Variants in LRMDA observed in about 807,000 individuals in gnomAD.
LRMDA encodes the protein leucine rich melanocyte differentiation associated, also known as leucine-rich melanocyte differentiation-associated protein.
In LRMDA, 18 loss-of-function variants were observed where a neutral mutation model predicts 29.8. The ratio of observed to expected loss-of-function variants is 0.60; its 90% CI spans 0.42 to 0.90. LRMDA has a LOEUF of 0.90. LRMDA is among the 40% of genes least tolerant of loss of function. The probability of loss-of-function intolerance (pLI) is 0.00; values close to 1 mark genes in which losing one functional copy is unlikely to be tolerated. For synonymous variants in LRMDA, 125 were observed against 109.4 expected (o/e 1.14, Z -0.89); for missense variants, 273 against 273.9 (o/e 1.00, Z 0.02).
chr10:75,901,817 T>C (rs1471502075), intron 2 of LRMDA, among the ~76,000 whole-genome samples: 1 of 152,244 alleles, frequency 6.6e-6, no homozygotes, highest in Non-Finnish European at 1.5e-5. Context: ...TTCCTTTTTA[T>C]TTATTTATTT....
At chr10:75,617,842 C>T (rs769444723) in intron 2 of LRMDA, among the ~76,000 whole-genome samples, 1 of 152,194 alleles carries the variant, frequency 6.6e-6, no homozygotes, top group Non-Finnish European at 1.5e-5. Flanking sequence ...GCCTCTGCTC[C>T]TTTGGAAGAG....
At chr10:75,444,171 G>A (rs1454267123) in intron 2 of LRMDA, among the ~76,000 whole-genome samples, 2 of 152,074 alleles carry the variant, frequency 1.3e-5, no homozygotes, top group African/African-American at 2.4e-5. Context: ...ATACGTCAGA[G>A]TCTTCTTTCC....
At chr10:75,651,281 G>A (rs1197719821) in intron 2 of LRMDA, among the ~76,000 whole-genome samples, 1 of 152,102 alleles carries the variant, frequency 6.6e-6, no homozygotes, top group Non-Finnish European at 1.5e-5. Context: ...CCGAAACCTG[G>A]GCTCAAGAAG....
At position 76,155,484 on chromosome 10, in the gene LRMDA, A is replaced by G. The variant is rs1427133493; in HGVS notation, c.516+96701A>G. Among the ~76,000 whole-genome samples, 6 of 152,296 alleles carry G rather than the reference A, an allele frequency of 3.9e-5. 1 individual carries two copies. Among genetic ancestry groups the G allele is most frequent in the Non-Finnish European group, 8.8e-5 (6 of 68,010 alleles). ...ACCTGGAAGCTGTTTTATAAAGGGA[A>G]TATGTTAGAATGGTAGACAATATTA... On this transcript the variant is annotated intron_variant, in intron 5 of 6. Transcript: ENST00000611255.
intron 6 of LRMDA, among the ~76,000 whole-genome samples, chr10:76,435,222 C>T (rs1472596671): frequency 1.3e-5 from 2 of 152,184 alleles, no homozygotes; most frequent in South Asian, 2.1e-4. Context: ...AATGAGAACA[C>T]TGAGGCTCTG....
intron 2 of LRMDA, among the ~76,000 whole-genome samples, chr10:75,662,918 G>A (rs1405193367): frequency 6.6e-6 from 1 of 152,222 alleles, no homozygotes; most frequent in Non-Finnish European, 1.5e-5. Flanking sequence ...GCATTTGAGA[G>A]CTGGAACTGG....
intron 6 of LRMDA, among the ~76,000 whole-genome samples, chr10:76,430,578 A>C (rs1043040895): frequency 8.7e-4 from 132 of 152,272 alleles, no homozygotes; most frequent in Non-Finnish European, 1.3e-3. Context: ...GGGAATTGAG[A>C]GCTGGATTTT....
intron 5 of LRMDA, among the ~76,000 whole-genome samples, chr10:76,307,369 T>C (rs1840570310): frequency 6.6e-6 from 1 of 152,106 alleles, no homozygotes; most frequent in Non-Finnish European, 1.5e-5. Context: ...CTAAAGATAA[T>C]GATGAGATGT....
intron 5 of LRMDA, among the ~76,000 whole-genome samples, chr10:76,251,462 C>T (rs1852482084): frequency 6.6e-6 from 1 of 151,238 alleles, no homozygotes; most frequent in Non-Finnish European, 1.5e-5. Context: ...CCTTGTTAGC[C>T]AGGATGGTCT....
chr10:75,880,734 G>C (rs1347841785), intron 2 of LRMDA, among the ~76,000 whole-genome samples: 1 of 152,230 alleles, frequency 6.6e-6, no homozygotes, highest in East Asian at 1.9e-4. Context: ...CATCACTGCA[G>C]TTATGCTCTG....
chr10:75,616,570 G>C (rs972068015), intron 2 of LRMDA, among the ~76,000 whole-genome samples: 2 of 152,146 alleles, frequency 1.3e-5, no homozygotes, highest in Non-Finnish European at 2.9e-5. Context: ...GGTATGCCTG[G>C]TATGTACATA....
chr10:76,142,440 A>G (rs1850220134), intron 5 of LRMDA, among the ~76,000 whole-genome samples: 1 of 152,094 alleles, frequency 6.6e-6, no homozygotes, highest in South Asian at 2.1e-4. Flanking sequence ...AACTACAAAT[A>G]CATTTATGTA....
intron 6 of LRMDA, among the ~76,000 whole-genome samples, chr10:76,379,516 A>G (rs1451481722): frequency 5.9e-5 from 9 of 152,080 alleles, no homozygotes; most frequent in Non-Finnish European, 7.4e-5. Flanking sequence ...AGAAATGCCC[A>G]TAGTAGTCTT....
intron 2 of LRMDA, among the ~76,000 whole-genome samples, chr10:75,739,236 A>T (rs917618712): frequency 6.6e-6 from 1 of 152,246 alleles, no homozygotes; most frequent in African/African-American, 2.4e-5. Flanking sequence ...ATGTTAATAC[A>T]TATATTATTT....
intron 2 of LRMDA, among the ~76,000 whole-genome samples, chr10:75,846,798 CTT>C: frequency 6.6e-6 from 1 of 152,192 alleles, no homozygotes; most frequent in African/African-American, 2.4e-5. Context: ...TAGGAATAAA[CTT>C]AACCAAGGAG....
intron 2 of LRMDA, among the ~76,000 whole-genome samples, chr10:75,988,344 G>A (rs893928203): frequency 6.6e-6 from 1 of 151,998 alleles, no homozygotes; most frequent in Non-Finnish European, 1.5e-5. Context: ...CCACCTTGAA[G>A]GCCGTGAGTC....
intron 5 of LRMDA, among the ~76,000 whole-genome samples, chr10:76,175,623 G>A (rs1196265165): frequency 6.6e-6 from 1 of 152,152 alleles, no homozygotes; most frequent in African/African-American, 2.4e-5. Context: ...CTGAGTGCTC[G>A]AGTTTGCTCA....
At position 75,715,991 on chromosome 10, in the gene LRMDA, C is replaced by T. The variant is rs576359642; in HGVS notation, c.131+277497C>T. On this transcript the variant is annotated intron_variant, in intron 2 of 6. Coordinates refer to ENST00000611255, the MANE Select transcript of LRMDA (RefSeq NM_001305581.2). Reference sequence around the variant, plus strand: ...ATCACAATCATCTACTTTAGAATCACGAATGTTAGAATCTATCAGTGCTAG... The same window carrying T: ...ATCACAATCATCTACTTTAGAATCATGAATGTTAGAATCTATCAGTGCTAG... 7.9e-5 allele frequency among the ~76,000 whole-genome samples: 12 copies of T among 152,250 alleles called. No homozygotes were observed. In the South Asian group the frequency reaches 8.3e-4, roughly 11 times the overall value.
At chr10:76,512,667 C>T (rs912757429) in intron 6 of LRMDA, among the ~76,000 whole-genome samples, 7 of 152,124 alleles carry the variant, frequency 4.6e-5, no homozygotes, top group Admixed American at 1.3e-4. Flanking sequence ...TTGGGCTAAA[C>T]TTCTTAGCAA....
Sources: allele counts gnomAD v4.1 joint callset (sites outside exome capture counted in the v4.1 genomes callset), GRCh38; gene constraint gnomAD v4.1.1; transcripts MANE v1.5; gene names NCBI Gene and HGNC (gene_info 2026-07-23, HGNC 2026-07-21).